CELF2: variants seen among roughly 807,000 people sequenced by gnomAD.
CELF2 encodes CUGBP Elav-like family member 2.
A neutral mutation model predicts 62.6 loss-of-function variants in CELF2; 8 were observed. That is an observed-to-expected ratio of 0.13 (90% CI 0.07 to 0.23). The LOEUF (loss-of-function observed/expected upper bound fraction) is 0.23, where lower values mean the gene tolerates loss of function less well. Among genes scored for constraint, CELF2 ranks in the 10% least tolerant of loss-of-function variants. The probability of loss-of-function intolerance (pLI) is 1.00; values close to 1 mark genes in which losing one functional copy is unlikely to be tolerated. For synonymous variants in CELF2, 258 were observed against 250.0 expected (o/e 1.03, Z -0.30); for missense variants, 333 against 671.0 (o/e 0.50, Z 5.56).
At chr10:11,313,212 A>G (rs1478388778) in intron 9 of CELF2, among the ~76,000 whole-genome samples, 3 of 152,220 alleles carry the variant, frequency 2.0e-5, no homozygotes, top group Non-Finnish European at 4.4e-5. Flanking sequence ...AAAAAGGTTT[A>G]TTTCACCAGA....
chr10:10,792,386 A>T, the CELF2 span: 7 of 398,260 alleles, frequency 1.8e-5, no homozygotes, highest in African/African-American at 1.4e-4. Context: ...TTCTCGTTGT[A>T]ATTCAAGGGC....
At chr10:10,481,522 C>T in the CELF2 span, among the ~76,000 whole-genome samples, 1 of 152,170 alleles carries the variant, frequency 6.6e-6, no homozygotes, top group Non-Finnish European at 1.5e-5. Flanking sequence ...TAATCAACTT[C>T]CCCACACTCC....
chr10:11,151,727 GT>G (rs1293826358), intron 1 of CELF2, among the ~76,000 whole-genome samples: 4 of 151,978 alleles, frequency 2.6e-5, no homozygotes, highest in African/African-American at 4.8e-5. Context: ...GTCCCTGGAT[GT>G]TTACATCTTA....
intron 1 of CELF2, among the ~76,000 whole-genome samples, chr10:10,828,279 G>A (rs544376112): frequency 6.6e-5 from 10 of 152,206 alleles, no homozygotes; most frequent in Admixed American, 2.6e-4. Context: ...ATCAACAGGT[G>A]AATAGATAAA....
At chr10:11,173,662 C>A (rs530566120) in intron 2 of CELF2, among the ~76,000 whole-genome samples, 1 of 152,300 alleles carries the variant, frequency 6.6e-6, no homozygotes, top group Admixed American at 6.5e-5. Context: ...CAGATTCTAA[C>A]CTCATCATAA....
At chr10:10,601,044 C>T in the CELF2 span, among the ~76,000 whole-genome samples, 1 of 152,132 alleles carries the variant, frequency 6.6e-6, no homozygotes, top group South Asian at 2.1e-4. Context: ...CTTCCACAGG[C>T]GAGAGCAACA....
intron 1 of CELF2, among the ~76,000 whole-genome samples, chr10:10,824,005 C>A (rs1167397268): frequency 5.9e-5 from 9 of 151,618 alleles, no homozygotes; most frequent in Admixed American, 5.9e-4. Flanking sequence ...TACATAGATA[C>A]ATAGATAAAT....
the CELF2 span, among the ~76,000 whole-genome samples, chr10:10,554,462 T>C: frequency 0.038 from 5,832 of 152,228 alleles, 264 homozygotes; most frequent in East Asian, 0.16. Context: ...CCAGCTGTGT[T>C]TGACCATTGG....
chr10:11,157,359 T>A lies in CELF2; in HGVS notation c.75-8127T>A, dbSNP rs2064707999. Reference sequence around the variant, plus strand: ...GCCAACTAGGTGAAATGGTATAGCCTGTTGTCTTTTGACTTTGATATCCGC... The same window carrying A: ...GCCAACTAGGTGAAATGGTATAGCCAGTTGTCTTTTGACTTTGATATCCGC... On this transcript the variant is annotated intron_variant, in intron 1 of 12. Coordinates refer to ENST00000633077, the MANE Select transcript of CELF2 (RefSeq NM_001326342.2). This position sits in a 1 kb window ranked among gnomAD's most constrained non-coding sequence, Gnocchi z 4.9. Among the ~76,000 whole-genome samples the A allele has an allele frequency of 6.6e-6, 1 of 150,926 alleles. No individual in the cohort carries two copies. The highest frequency in any genetic ancestry group is 6.7e-5 in the Admixed American group (1 of 15,008).
intron 8 of CELF2, among the ~76,000 whole-genome samples, chr10:11,287,214 A>G (rs1232222236): frequency 6.6e-6 from 1 of 152,216 alleles, no homozygotes; most frequent in Non-Finnish European, 1.5e-5. Flanking sequence ...ACCAGAGAAG[A>G]AGGTAAAATG....
chr10:11,309,000 ATTCT>A (rs1339294034), intron 9 of CELF2, among the ~76,000 whole-genome samples: 9 of 152,218 alleles, frequency 5.9e-5, no homozygotes, highest in Admixed American at 5.2e-4. Context: ...TTTTATTGGC[ATTCT>A]TTATTTGATG....
chr10:10,647,398 T>TC, the CELF2 span, among the ~76,000 whole-genome samples: 23 of 152,290 alleles, frequency 1.5e-4, no homozygotes, highest in African/African-American at 5.3e-4. Flanking sequence ...ATCTCAACTC[T>TC]CCCAGGTCTT....
At chr10:10,522,261 C>A in the CELF2 span, among the ~76,000 whole-genome samples, 3 of 152,108 alleles carry the variant, frequency 2.0e-5, no homozygotes, top group Admixed American at 6.5e-5. Context: ...AGCCAATTGA[C>A]CTTCCTGTTT....
At position 11,018,045 on chromosome 10, in the gene CELF2, G is replaced by C. The variant is rs764679872; in HGVS notation, c.-45G>C. 6.0e-6 allele frequency: 8 copies of C among 1,328,306 alleles called. No individual in the cohort carries two copies. In the South Asian group the frequency reaches 1.0e-4, roughly 17 times the overall value. 82.3% of individuals were successfully genotyped at this position (1,328,306 alleles called of 1,614,324 possible). The stretch of plus-strand genomic sequence containing the variant: ...GCGCCGCCCGCGGCCGCTCGGACGC[G>C]CGCAGAGCCGCCCCCCGCCGCTGCC... On this transcript the variant is annotated 5_prime_UTR_variant, in exon 1 of 13. Coordinates refer to ENST00000633077, the MANE Select transcript of CELF2 (RefSeq NM_001326342.2).
At chr10:10,467,049 A>G in the CELF2 span, among the ~76,000 whole-genome samples, 2 of 152,010 alleles carry the variant, frequency 1.3e-5, no homozygotes, top group Admixed American at 1.3e-4. Context: ...AATTAATCCA[A>G]ATTACCAGTA....
At chr10:10,760,144 TC>T in the CELF2 span, among the ~76,000 whole-genome samples, 1 of 152,172 alleles carries the variant, frequency 6.6e-6, no homozygotes, top group African/African-American at 2.4e-5. Context: ...CCTCAGGTGA[TC>T]CACCCACCTC....
At chr10:11,240,103 C>G (rs1177212714) in intron 3 of CELF2, among the ~76,000 whole-genome samples, 1 of 152,168 alleles carries the variant, frequency 6.6e-6, no homozygotes, top group South Asian at 2.1e-4. Context: ...TGTAAAAGAA[C>G]AACTTGAAAT....
intron 2 of CELF2, among the ~76,000 whole-genome samples, chr10:10,950,598 A>G (rs962790435): frequency 2.6e-5 from 4 of 152,206 alleles, no homozygotes; most frequent in Non-Finnish European, 5.9e-5. Context: ...CAAGGATTTC[A>G]TGAGGGTGAC....
At chr10:10,773,236 T>C in the CELF2 span, among the ~76,000 whole-genome samples, 1 of 152,210 alleles carries the variant, frequency 6.6e-6, no homozygotes, top group Non-Finnish European at 1.5e-5. Flanking sequence ...TTCAAGGGGA[T>C]TATTGTGTTA....
Sources: gnomAD v4.1 joint callset for allele counts (sites outside exome capture counted in the v4.1 genomes callset) on GRCh38, gnomAD v4.1.1 for gene constraint, Gnocchi (gnomAD v3.1) non-coding constraint, MANE v1.5 for transcripts, NCBI Gene and HGNC (gene_info 2026-07-23, HGNC 2026-07-21) for gene names.